The following TMEM14A variants were observed in gnomAD, a reference collection of about 807,000 sequenced individuals.
The protein encoded by TMEM14A is transmembrane protein 14A.
In TMEM14A, 8 loss-of-function variants were observed where a neutral mutation model predicts 11.6. The ratio of observed to expected loss-of-function variants is 0.69; its 90% CI spans 0.40 to 1.24. TMEM14A has a LOEUF of 1.24. Among genes scored for constraint, TMEM14A ranks in the 50% most tolerant of loss-of-function variants. The pLI is 0.01. For missense variants in TMEM14A, 108 were observed against 121.9 expected (o/e 0.89, Z 0.54); for synonymous variants, 34 against 45.5 (o/e 0.75, Z 1.02).
chr6:52,680,706 C>CATATATGTATATATATATATAT (rs1397954310), intron 2 of TMEM14A, among the ~76,000 whole-genome samples: 43 of 24,472 alleles, frequency 1.8e-3, no homozygotes, highest in African/African-American at 2.5e-3. Context: ...TATATATATA[C>CATATATGTATATATATATATAT]ACATATATAT....
chr6:52,678,314 T>G (rs1433847506), intron 2 of TMEM14A, among the ~76,000 whole-genome samples: 1 of 32,012 alleles, frequency 3.1e-5, no homozygotes, highest in South Asian at 2.3e-3. Context: ...ATAGAGAGTG[T>G]GTGTATGTGT....
At position 52,674,689 on chromosome 6, in the gene TMEM14A, C is replaced by T. The variant is rs189600008; in HGVS notation, c.-16-2398C>T. Reference sequence around the variant, plus strand: ...GGTTTTTGGACCCAGGTTCTCCCTACATGCTACATCCTACTGTACCACTTC... The same window carrying T: ...GGTTTTTGGACCCAGGTTCTCCCTATATGCTACATCCTACTGTACCACTTC... On this transcript the variant is annotated intron_variant, in intron 1 of 4. Coordinates refer to ENST00000211314, the MANE Select transcript of TMEM14A (RefSeq NM_014051.4). Among the ~76,000 whole-genome samples, 12 of 152,268 alleles carry T rather than the reference C, an allele frequency of 7.9e-5. No homozygotes were observed. In the East Asian group the frequency reaches 2.1e-3, roughly 27 times the overall value.
At position 52,680,704 on chromosome 6, in the gene TMEM14A, T is replaced by TATACACAC. The variant is rs371102796; in HGVS notation, c.71-1108_71-1107insTACACACA. On this transcript the variant is annotated intron_variant, in intron 2 of 4. Coordinates refer to ENST00000211314, the MANE Select transcript of TMEM14A (RefSeq NM_014051.4). ...ATATACATATATGTATATATATATA[T>TATACACAC]ACACATATATATATGGCATGGATGA... 2.6e-3 allele frequency among the ~76,000 whole-genome samples: 132 copies of TATACACAC among 51,090 alleles called. 11 individuals carry two copies. The highest frequency in any genetic ancestry group is 9.1e-3 in the Middle Eastern group (1 of 110). The allele number at this position is 51,090 out of a possible 152,430, so 33.5% of individuals were successfully genotyped here. A position where few individuals can be genotyped will look rare whatever the true frequency, so the allele number is the denominator to read the frequency against.
intron 2 of TMEM14A, among the ~76,000 whole-genome samples, chr6:52,680,491 A>G (rs1769343383): frequency 6.7e-6 from 1 of 149,734 alleles, no homozygotes; most frequent in African/African-American, 2.5e-5. Context: ...TGTTTTTAAA[A>G]GATCATCTTA....
intron 2 of TMEM14A, among the ~76,000 whole-genome samples, chr6:52,679,092 C>G (rs1769316264): frequency 1.3e-5 from 2 of 152,112 alleles, no homozygotes; most frequent in Non-Finnish European, 1.5e-5. Context: ...CAGATGTATC[C>G]AAATCCTAAA....
chr6:52,682,810 A>G (rs575861794), intron 3 of TMEM14A, among the ~76,000 whole-genome samples: 6 of 152,248 alleles, frequency 3.9e-5, no homozygotes, highest in African/African-American at 1.4e-4. Context: ...TTGATGTCCT[A>G]ATCTCTTACA....
At chr6:52,680,704 T>TATATATAC (rs371102796) in intron 2 of TMEM14A, among the ~76,000 whole-genome samples, 22 of 51,104 alleles carry the variant, frequency 4.3e-4, no homozygotes, top group African/African-American at 1.1e-3. Context: ...TATATATATA[T>TATATATAC]ACACATATAT....
chr6:52,685,026 A>G (rs1360484015), intron 4 of TMEM14A, among the ~76,000 whole-genome samples: 2 of 152,244 alleles, frequency 1.3e-5, no homozygotes, highest in Non-Finnish European at 2.9e-5. Context: ...ATAATAAGGT[A>G]TAAAAACAGG....
chr6:52,677,283 G>T, intron 2 of TMEM14A, 111 bp downstream of exon 2: 3 of 1,169,250 alleles, frequency 2.6e-6, no homozygotes, highest in Non-Finnish European at 3.8e-6. Flanking sequence ...CCTTAGAGGT[G>T]GCTGAAGACC....
intron 3 of TMEM14A, among the ~76,000 whole-genome samples, chr6:52,683,289 G>A (rs944853281): frequency 1.3e-5 from 2 of 151,998 alleles, no homozygotes; most frequent in Non-Finnish European, 2.9e-5. Context: ...GCAAGACCCT[G>A]TCTCTACTAA....
At chr6:52,677,737 A>G (rs1769286368) in intron 2 of TMEM14A, among the ~76,000 whole-genome samples, 1 of 152,218 alleles carries the variant, frequency 6.6e-6, no homozygotes, top group African/African-American at 2.4e-5. Flanking sequence ...TGTTTCATAT[A>G]TATACACAAC....
intron 2 of TMEM14A, among the ~76,000 whole-genome samples, chr6:52,678,319 ATGTGTGTGTTTGTG>A (rs55826333): frequency 0.42 from 55,577 of 133,532 alleles, 10,780 homozygotes; most frequent in South Asian, 0.46. Flanking sequence ...GAGTGTGTGT[ATGTGTGTGTTTGTG>A]TGTGTGTGTG....
chr6:52,674,246 T>C (rs928876167), intron 1 of TMEM14A, among the ~76,000 whole-genome samples: 18 of 152,316 alleles, frequency 1.2e-4, no homozygotes, highest in African/African-American at 2.2e-4. Flanking sequence ...AGTTACCAGA[T>C]GGAACACAGT....
At chr6:52,680,704 T>TATATATATATATATATATATATATATAC in intron 2 of TMEM14A, among the ~76,000 whole-genome samples, 1 of 51,108 alleles carries the variant, frequency 2.0e-5, no homozygotes, top group South Asian at 8.2e-4. Flanking sequence ...TATATATATA[T>TATATATATATATATATATATATATATAC]ACACATATAT....
At chr6:52,672,212 C>T (rs1398596081) in intron 1 of TMEM14A, among the ~76,000 whole-genome samples, 2 of 152,082 alleles carry the variant, frequency 1.3e-5, no homozygotes, top group Admixed American at 6.6e-5. Flanking sequence ...GTTCTTGGTG[C>T]TGTGAGGAGG....
intron 1 of TMEM14A, among the ~76,000 whole-genome samples, chr6:52,675,772 G>A (rs1430154652): frequency 6.6e-6 from 1 of 152,210 alleles, no homozygotes; most frequent in Non-Finnish European, 1.5e-5. Context: ...CAATCTCCAA[G>A]AAGACATCCA....
At position 52,686,340 on chromosome 6, in the gene TMEM14A, T is replaced by C; in HGVS notation, c.*291T>C. ...TTTGGTATTTTTTGAAAATTCCAAA[T>C]ACTCATGTCTCAAGTAAGCTTAAAC... is the stretch of plus-strand genomic sequence containing the variant. On this transcript the variant is annotated 3_prime_UTR_variant, in exon 5 of 5. Coordinates refer to ENST00000211314, the MANE Select transcript of TMEM14A (RefSeq NM_014051.4). 2.5e-6 allele frequency: 1 copy of C among 393,554 alleles called. No homozygotes were observed. The highest frequency in any genetic ancestry group is 3.6e-5 in the East Asian group (1 of 27,752). 24.4% of individuals were successfully genotyped at this position (393,554 alleles called of 1,614,324 possible).
intron 1 of TMEM14A, among the ~76,000 whole-genome samples, chr6:52,672,756 T>C (rs1017308626): frequency 3.3e-5 from 5 of 152,206 alleles, no homozygotes; most frequent in Admixed American, 6.5e-5. Flanking sequence ...TCCATTCTCA[T>C]TGCCATTTCT....
chr6:52,683,408 T>C (rs192048097), intron 3 of TMEM14A, among the ~76,000 whole-genome samples: 8,540 of 148,768 alleles, frequency 0.057, 340 homozygotes, highest in South Asian at 0.17. Context: ...TGCAGTGAGC[T>C]GAGATCACGC....
Sources: allele counts gnomAD v4.1 joint callset (sites outside exome capture counted in the v4.1 genomes callset), GRCh38; gene constraint gnomAD v4.1.1; transcripts MANE v1.5; gene names NCBI Gene and HGNC (gene_info 2026-07-23, HGNC 2026-07-21).